L3MBTL3: variants seen among roughly 807,000 people sequenced by gnomAD.
The protein encoded by L3MBTL3 is L3MBTL histone methyl-lysine binding protein 3, also known as lethal(3)malignant brain tumor-like protein 3.
Under a neutral mutation model 102.3 loss-of-function variants are expected in L3MBTL3, and 27 were observed. The ratio of observed to expected loss-of-function variants is 0.26; its 90% CI spans 0.19 to 0.36. L3MBTL3 has a LOEUF of 0.36. Among genes scored for constraint, L3MBTL3 ranks in the 10% least tolerant of loss-of-function variants. L3MBTL3 has a pLI of 1.00. For synonymous variants in L3MBTL3, 340 were observed against 320.9 expected (o/e 1.06, Z -0.64); for missense variants, 798 against 955.3 (o/e 0.84, Z 2.17).
chr6:130,053,552 G>A (rs907438482), intron 7 of L3MBTL3, among the ~76,000 whole-genome samples: 3 of 151,512 alleles, frequency 2.0e-5, no homozygotes, highest in South Asian at 2.1e-4. Context: ...GGAGAATGGC[G>A]TGAACCTGGG....
chr6:130,078,912 T>C (rs1301336431), intron 14 of L3MBTL3, among the ~76,000 whole-genome samples: 2 of 152,212 alleles, frequency 1.3e-5, no homozygotes, highest in Non-Finnish European at 2.9e-5. Flanking sequence ...TATTAAGTAT[T>C]GCCTTAGTTC....
intron 2 of L3MBTL3, among the ~76,000 whole-genome samples, chr6:130,029,452 G>T (rs1212209666): frequency 6.6e-6 from 1 of 152,176 alleles, no homozygotes; most frequent in African/African-American, 2.4e-5. Context: ...TCACAGTAAG[G>T]TTGCGAATGG....
chr6:130,102,441 A>G (rs1265938761), intron 18 of L3MBTL3, among the ~76,000 whole-genome samples: 1 of 152,230 alleles, frequency 6.6e-6, no homozygotes, highest in Non-Finnish European at 1.5e-5. Context: ...TGTCTTTAAA[A>G]TCTTCTCTCC....
intron 16 of L3MBTL3, among the ~76,000 whole-genome samples, chr6:130,088,743 A>G (rs1017300936): frequency 6.6e-6 from 1 of 152,074 alleles, no homozygotes; most frequent in Non-Finnish European, 1.5e-5. Context: ...TTTTATCTGT[A>G]ATTTTCTAAA....
chr6:130,079,802 C>T (rs1783199503), intron 14 of L3MBTL3, among the ~76,000 whole-genome samples: 1 of 152,184 alleles, frequency 6.6e-6, no homozygotes, highest in Non-Finnish European at 1.5e-5. Context: ...TGATCATTTA[C>T]TCACTCAGGA....
At chr6:130,030,869 A>G (rs530700848) in intron 2 of L3MBTL3, among the ~76,000 whole-genome samples, 1 of 69,020 alleles carries the variant, frequency 1.4e-5, no homozygotes, top group Admixed American at 1.5e-4. Flanking sequence ...TATCAGTCTT[A>G]AAAAAGTAGT....
intron 2 of L3MBTL3, among the ~76,000 whole-genome samples, chr6:130,033,299 T>C (rs930423620): frequency 1.3e-5 from 2 of 152,206 alleles, no homozygotes; most frequent in East Asian, 3.9e-4. Context: ...TACTGAAAAA[T>C]GACGTTTAGG....
chr6:130,086,970 C>A (rs191337781), intron 16 of L3MBTL3, among the ~76,000 whole-genome samples: 74 of 152,264 alleles, frequency 4.9e-4, no homozygotes, highest in African/African-American at 1.8e-3. Context: ...TAACCCTGTT[C>A]TCATATTATT....
intron 8 of L3MBTL3, 102 bp downstream of exon 8, chr6:130,055,357 A>G: frequency 1.3e-6 from 1 of 777,170 alleles, no homozygotes; most frequent in African/African-American, 1.8e-5. Flanking sequence ...TTACTTCAGG[A>G]TTTTCTTTGA....
At chr6:130,090,035 G>C (rs1457530940) in intron 16 of L3MBTL3, among the ~76,000 whole-genome samples, 1 of 152,106 alleles carries the variant, frequency 6.6e-6, no homozygotes, top group Non-Finnish European at 1.5e-5. Flanking sequence ...TGACAGACTA[G>C]ATTGTATTTC....
At chr6:130,080,273 AAAG>A (rs1231146585) in intron 14 of L3MBTL3, among the ~76,000 whole-genome samples, 14 of 151,906 alleles carry the variant, frequency 9.2e-5, no homozygotes, top group African/African-American at 3.1e-4. Context: ...AAAAAAAAAA[AAAG>A]AAAGCAAGGT....
chr6:130,049,344 T>TA lies in L3MBTL3; in HGVS notation c.171dup (p.Ala58SerfsTer64). 6.2e-7 allele frequency: 1 copy of TA among 1,613,760 alleles called. No homozygotes were observed. The highest frequency in any genetic ancestry group is 8.5e-7 in the Non-Finnish European group (1 of 1,179,734). The stretch of plus-strand genomic sequence containing the variant: ...CAGATGAGAATGAGATGGAAAATGT[T>TA]AAAAAAGCAACTGCTACCACCACTT... On this transcript the variant is annotated frameshift_variant, in exon 4 of 23. Coordinates refer to ENST00000361794, the MANE Select transcript of L3MBTL3 (RefSeq NM_032438.4). LOFTEE classifies it high-confidence loss of function.
intron 22 of L3MBTL3, 90 bp from the exon 23 acceptor site, chr6:130,139,520 T>C: frequency 8.2e-7 from 1 of 1,224,358 alleles, no homozygotes. Flanking sequence ...CATTGCTATG[T>C]AGAAGACAGC....
intron 13 of L3MBTL3, among the ~76,000 whole-genome samples, chr6:130,073,370 C>G (rs1782754545): frequency 6.6e-6 from 1 of 152,128 alleles, no homozygotes; most frequent in Non-Finnish European, 1.5e-5. Context: ...TCCTTCTGTG[C>G]TTGGTGGGCT....
chr6:130,100,711 G>C (rs1380528989), intron 18 of L3MBTL3, among the ~76,000 whole-genome samples: 1 of 151,222 alleles, frequency 6.6e-6, no homozygotes, highest in Non-Finnish European at 1.5e-5. Flanking sequence ...CCCCTCTCTT[G>C]AGCTATCCAA....
At chr6:130,125,158 A>G (rs1431430225) in intron 20 of L3MBTL3, among the ~76,000 whole-genome samples, 2 of 152,114 alleles carry the variant, frequency 1.3e-5, no homozygotes, top group African/African-American at 2.4e-5. Flanking sequence ...GGGAGTAACT[A>G]TTGCCAACCA....
At chr6:130,109,407 C>T (rs1419776984) in intron 19 of L3MBTL3, among the ~76,000 whole-genome samples, 1 of 152,138 alleles carries the variant, frequency 6.6e-6, no homozygotes, top group African/African-American at 2.4e-5. Flanking sequence ...TTCTAACTGG[C>T]ATGAGATGGT....
At chr6:130,032,184 A>G (rs1276190877) in intron 2 of L3MBTL3, among the ~76,000 whole-genome samples, 5 of 152,108 alleles carry the variant, frequency 3.3e-5, no homozygotes, top group African/African-American at 1.2e-4. Flanking sequence ...GAACCACCAC[A>G]CCTGATCATA....
At chr6:130,126,989 G>A (rs992636134) in intron 20 of L3MBTL3, among the ~76,000 whole-genome samples, 1 of 152,174 alleles carries the variant, frequency 6.6e-6, no homozygotes, top group South Asian at 2.1e-4. Context: ...CAGGAGAAAT[G>A]AATGAGCCCA....
Sources: gnomAD v4.1 joint callset for allele counts (sites outside exome capture counted in the v4.1 genomes callset) on GRCh38, gnomAD v4.1.1 for gene constraint, MANE v1.5 for transcripts, NCBI Gene and HGNC (gene_info 2026-07-23, HGNC 2026-07-21) for gene names.